The following SEMA6D variants were observed in gnomAD, a reference collection of about 807,000 sequenced individuals.
SEMA6D encodes the protein semaphorin-6D.
SEMA6D carries 35 observed loss-of-function variants against 106.6 expected under a neutral mutation model. The observed-to-expected ratio is 0.33, with a 90% CI of 0.25 to 0.44. The LOEUF is 0.44. Ranked by LOEUF, SEMA6D falls within the 20% of genes least tolerant of loss-of-function variation. The pLI is 1.00. For missense variants in SEMA6D, 1,185 were observed against 1,345.9 expected, an observed-to-expected ratio of 0.88 and a Z score of 1.87; for synonymous variants, 499 against 487.7, an observed-to-expected ratio of 1.02 and a Z score of -0.31.
At chr15:47,412,450 G>A (rs951851142) in exon 2 of SEMA6D, 1 of 152,548 alleles carries the variant, frequency 6.6e-6, no homozygotes, top group African/African-American at 2.4e-5. Context: ...AGCAATTTAA[G>A]GATTTCACAT....
intron 3 of SEMA6D, among the ~76,000 whole-genome samples, chr15:47,573,685 C>T (rs2076105028): frequency 6.6e-6 from 1 of 152,188 alleles, no homozygotes. Context: ...ACTATTAAAA[C>T]ATGTCCCATG....
intron 2 of SEMA6D, among the ~76,000 whole-genome samples, chr15:47,449,478 T>C (rs572856932): frequency 3.3e-5 from 5 of 152,210 alleles, no homozygotes; most frequent in East Asian, 3.9e-4. Flanking sequence ...TTCTCCATTG[T>C]AGAGTTGTGG....
At chr15:47,365,874 AAGAGAGAGAGAGAGAGGAGAGAG>A (rs1283704171) in intron 1 of SEMA6D, among the ~76,000 whole-genome samples, 2 of 127,794 alleles carry the variant, frequency 1.6e-5, no homozygotes, top group Admixed American at 1.7e-4. Context: ...GAAAGAAAGA[AAGAGAGAGAGAGAGAGGAGAGAG>A]AGAGAGAGAG....
At chr15:47,233,302 T>C (rs1447694047) in intron 1 of SEMA6D, among the ~76,000 whole-genome samples, 3 of 152,044 alleles carry the variant, frequency 2.0e-5, no homozygotes, top group African/African-American at 7.2e-5. Context: ...CTATGTCTGC[T>C]TTTATGCCTA....
intron 4 of SEMA6D, among the ~76,000 whole-genome samples, chr15:47,628,293 A>AT (rs35624814): frequency 0.28 from 42,710 of 151,938 alleles, 7,119 homozygotes; most frequent in East Asian, 0.45. Context: ...TTGCAGGGTT[A>AT]TATGTGAGTT....
intron 3 of SEMA6D, among the ~76,000 whole-genome samples, chr15:47,564,061 C>A (rs993442893): frequency 2.6e-5 from 4 of 152,224 alleles, no homozygotes; most frequent in African/African-American, 7.2e-5. Flanking sequence ...AGAAACCTGA[C>A]CCTACGTCAA....
chr15:47,497,046 ACT>A (rs1479699096), intron 3 of SEMA6D, among the ~76,000 whole-genome samples: 1 of 150,970 alleles, frequency 6.6e-6, no homozygotes, highest in African/African-American at 2.4e-5. Flanking sequence ...ACCTTTCTTC[ACT>A]CTCTCAATAG....
intron 1 of SEMA6D, among the ~76,000 whole-genome samples, chr15:47,190,864 G>T (rs1006560467): frequency 6.6e-6 from 1 of 152,150 alleles, no homozygotes; most frequent in African/African-American, 2.4e-5. Flanking sequence ...AATCTCCATA[G>T]CTGGGTTTAA....
At position 47,320,645 on chromosome 15, in the gene SEMA6D, A is replaced by G. The variant is rs188938960; in HGVS notation, c.-238-91748A>G. ...TCATACCTTACCTCTTTCATGCTTT[A>G]CTAACTTAATGCATGCCATTCTTTA... On this transcript the variant is annotated intron_variant, in intron 1 of 19. Transcript: ENST00000558014. 1.3e-4 allele frequency among the ~76,000 whole-genome samples: 20 copies of G among 152,236 alleles called. No homozygotes were observed. The East Asian group carries it at 3.5e-3, about 26-fold the overall frequency.
chr15:47,667,523 G>A (rs1259193232), intron 4 of SEMA6D, among the ~76,000 whole-genome samples: 1 of 152,198 alleles, frequency 6.6e-6, no homozygotes, highest in Non-Finnish European at 1.5e-5. Context: ...CAGTGTTTTA[G>A]TCTGATCGGG....
chr15:47,460,115 A>G (rs1266477882), intron 2 of SEMA6D, among the ~76,000 whole-genome samples: 1 of 151,970 alleles, frequency 6.6e-6, no homozygotes, highest in East Asian at 1.9e-4. Context: ...TAGCCATCCC[A>G]CCACTGTGTC....
chr15:47,744,776 A>T (rs186507326), intron 1 of SEMA6D, among the ~76,000 whole-genome samples: 2 of 152,360 alleles, frequency 1.3e-5, no homozygotes, highest in Admixed American at 1.3e-4. Flanking sequence ...TGCACTTTGT[A>T]TCCTAGGCAA....
chr15:47,729,019 C>T lies in SEMA6D; in HGVS notation c.-55+11327C>T, dbSNP rs909150186. On this transcript the variant is annotated intron_variant, in intron 1 of 18. Coordinates refer to ENST00000536845, the MANE Select transcript of SEMA6D (RefSeq NM_001358351.3). The stretch of plus-strand genomic sequence containing the variant: ...ATTCCAGGGATTACGGCATGGACAT[C>T]TTTGAGGGGTGTGGACATTATTCTT... Among the ~76,000 whole-genome samples the T allele has an allele frequency of 4.6e-5, 7 of 152,322 alleles. No individual in the cohort carries two copies. In the East Asian group the frequency reaches 1.2e-3, roughly 25 times the overall value.
intron 1 of SEMA6D, among the ~76,000 whole-genome samples, chr15:47,282,563 G>T (rs2035175902): frequency 6.6e-6 from 1 of 152,072 alleles, no homozygotes; most frequent in African/African-American, 2.4e-5. Context: ...ACACATTTCT[G>T]TTGGATATAT....
chr15:47,214,841 C>G (rs900345321), intron 1 of SEMA6D, among the ~76,000 whole-genome samples: 1 of 152,052 alleles, frequency 6.6e-6, no homozygotes, highest in Non-Finnish European at 1.5e-5. Context: ...TGAGTTTATT[C>G]TAGAAAATGG....
At chr15:47,335,017 C>T (rs910363611) in intron 1 of SEMA6D, among the ~76,000 whole-genome samples, 3 of 152,130 alleles carry the variant, frequency 2.0e-5, no homozygotes, top group East Asian at 1.9e-4. Flanking sequence ...TCTCTGAGCT[C>T]AGGCCTCTAG....
intron 1 of SEMA6D, among the ~76,000 whole-genome samples, chr15:47,388,608 G>T (rs1183456521): frequency 5.9e-5 from 9 of 152,054 alleles, no homozygotes; most frequent in Non-Finnish European, 1.3e-4. Context: ...TATAGGCTTT[G>T]GTGTCAAGCG....
chr15:47,222,029 G>C (rs547725205), intron 1 of SEMA6D, among the ~76,000 whole-genome samples: 1 of 151,832 alleles, frequency 6.6e-6, no homozygotes, highest in East Asian at 1.9e-4. Flanking sequence ...ACAGACACAC[G>C]CATGCACACG....
chr15:47,517,606 T>A (rs1282842709), intron 3 of SEMA6D, among the ~76,000 whole-genome samples: 1 of 152,186 alleles, frequency 6.6e-6, no homozygotes. Context: ...CTTATTTGTT[T>A]CGTCTTTCTT....
Sources: gnomAD v4.1 joint callset for allele counts (sites outside exome capture counted in the v4.1 genomes callset) on GRCh38, gnomAD v4.1.1 for gene constraint, MANE v1.5 for transcripts, NCBI Gene and HGNC (gene_info 2026-07-23, HGNC 2026-07-21) for gene names.